Variants in MCTP1 observed in about 807,000 individuals in gnomAD.
MCTP1 encodes the protein multiple C2 and transmembrane domain-containing protein 1.
Under a neutral mutation model 120.6 loss-of-function variants are expected in MCTP1, and 69 were observed. The observed-to-expected ratio is 0.57, with a 90% CI of 0.47 to 0.70. MCTP1 has a LOEUF of 0.70. Ranked by LOEUF, MCTP1 falls within the 30% of genes least tolerant of loss-of-function variation. The pLI is 0.00. For synonymous variants in MCTP1, 529 were observed against 493.1 expected (o/e 1.07, Z -0.96); for missense variants, 1,203 against 1,248.8 (o/e 0.96, Z 0.55).
chr5:94,914,615 C>G (rs906645227), intron 8 of MCTP1, among the ~76,000 whole-genome samples: 9 of 152,204 alleles, frequency 5.9e-5, no homozygotes, highest in Non-Finnish European at 1.2e-4. Flanking sequence ...TCAACGCAGG[C>G]TTTTGTCTAC....
At chr5:95,214,359 G>C (rs1752789302) in intron 1 of MCTP1, among the ~76,000 whole-genome samples, 1 of 151,904 alleles carries the variant, frequency 6.6e-6, no homozygotes, top group Admixed American at 6.6e-5. Context: ...AAGAAGTCAG[G>C]AAACAACAGG....
At chr5:95,137,390 G>T (rs1759526561) in intron 1 of MCTP1, among the ~76,000 whole-genome samples, 1 of 152,224 alleles carries the variant, frequency 6.6e-6, no homozygotes, top group African/African-American at 2.4e-5. Context: ...ATTTATGAGA[G>T]AATGCTTGTA....
chr5:95,200,878 C>T lies in MCTP1; in HGVS notation c.720+82978G>A, dbSNP rs182039139. 1.3e-3 allele frequency among the ~76,000 whole-genome samples: 192 copies of T among 152,246 alleles called. 1 individual carries two copies. Among genetic ancestry groups the T allele is most frequent in the African/African-American group, 4.2e-3 (174 of 41,536 alleles). Reference sequence around the variant, plus strand: ...CAATTTAGCCATTCCACAACTTATACATATTTCAAAACATCATGTTGTACA... The same window carrying T: ...CAATTTAGCCATTCCACAACTTATATATATTTCAAAACATCATGTTGTACA... On this transcript the variant is annotated intron_variant, in intron 1 of 22. Transcript: ENST00000515393.
At chr5:94,755,026 G>C (rs7706425) in intron 19 of MCTP1, among the ~76,000 whole-genome samples, 76,204 of 151,992 alleles carry the variant, frequency 0.5, 19,531 homozygotes, top group East Asian at 0.64. Flanking sequence ...CAGCCCCAGG[G>C]AGGCCTTGAC....
intron 18 of MCTP1, among the ~76,000 whole-genome samples, chr5:94,780,572 C>T (rs567413831): frequency 2.6e-5 from 4 of 152,182 alleles, no homozygotes; most frequent in African/African-American, 9.6e-5. Flanking sequence ...TTTGGACATT[C>T]AGCTTTCAAA....
chr5:94,986,800 C>T lies in MCTP1; in HGVS notation c.838+30567G>A, dbSNP rs532657609. Among the ~76,000 whole-genome samples the T allele has an allele frequency of 1.7e-4, 26 of 152,014 alleles. 1 individual carries two copies. The highest frequency in any genetic ancestry group is 3.2e-4 in the Non-Finnish European group (22 of 67,988). Reference sequence around the variant, plus strand: ...TGCTGGGATTACAGGTGTGAGCCACCGCGTCGGGCCTAGGTCCATTTGTGT... The same window carrying T: ...TGCTGGGATTACAGGTGTGAGCCACTGCGTCGGGCCTAGGTCCATTTGTGT... On this transcript the variant is annotated intron_variant, in intron 2 of 22. Transcript: ENST00000515393.
At chr5:95,220,347 T>C (rs186181457) in intron 1 of MCTP1, among the ~76,000 whole-genome samples, 106 of 152,086 alleles carry the variant, frequency 7.0e-4, no homozygotes, top group African/African-American at 2.4e-3. Context: ...TTTTTTTTTT[T>C]TTACAAAGAA....
chr5:95,223,556 T>C (rs1007340699), intron 1 of MCTP1, among the ~76,000 whole-genome samples: 1 of 152,212 alleles, frequency 6.6e-6, no homozygotes, highest in African/African-American at 2.4e-5. Flanking sequence ...AACAAATGGC[T>C]CATGGTCATT....
intron 1 of MCTP1, among the ~76,000 whole-genome samples, chr5:95,040,537 T>A (rs545643473): frequency 1.1e-4 from 16 of 152,008 alleles, no homozygotes; most frequent in Admixed American, 6.5e-5. Flanking sequence ...TCCGGATAAC[T>A]GCCTGGGAAG....
At chr5:95,252,403 G>A (rs569511700) in intron 1 of MCTP1, among the ~76,000 whole-genome samples, 1 of 152,214 alleles carries the variant, frequency 6.6e-6, no homozygotes, top group African/African-American at 2.4e-5. Flanking sequence ...TGATCCTTGA[G>A]AAAGACATTC....
At chr5:95,080,816 G>C (rs975949378) in intron 1 of MCTP1, among the ~76,000 whole-genome samples, 4 of 152,186 alleles carry the variant, frequency 2.6e-5, no homozygotes, top group African/African-American at 7.2e-5. Context: ...AACAGCAAGT[G>C]AGAAAGTAGG....
At chr5:95,170,086 G>A (rs867679825) in intron 1 of MCTP1, among the ~76,000 whole-genome samples, 2 of 152,164 alleles carry the variant, frequency 1.3e-5, no homozygotes, top group Admixed American at 6.5e-5. Flanking sequence ...CTTTGAATGT[G>A]TCCCAGAGAT....
At chr5:94,716,221 A>AT (rs1759252711) in intron 19 of MCTP1, among the ~76,000 whole-genome samples, 1 of 152,234 alleles carries the variant, frequency 6.6e-6, no homozygotes, top group Non-Finnish European at 1.5e-5. Flanking sequence ...TTTGTCTATT[A>AT]TTCATCTTGC....
chr5:94,777,321 C>T (rs542213180), intron 19 of MCTP1, among the ~76,000 whole-genome samples: 127 of 152,238 alleles, frequency 8.3e-4, no homozygotes, highest in South Asian at 3.5e-3. Flanking sequence ...TTGTTTCCCC[C>T]GGGCATGTTC....
chr5:94,810,137 T>C (rs1448586865), intron 17 of MCTP1, among the ~76,000 whole-genome samples: 4 of 152,114 alleles, frequency 2.6e-5, no homozygotes, highest in Non-Finnish European at 5.9e-5. Flanking sequence ...ACTGTGATCT[T>C]TTATTTAAGT....
chr5:94,738,395 T>C (rs1764757539), intron 19 of MCTP1, among the ~76,000 whole-genome samples: 2 of 152,130 alleles, frequency 1.3e-5, no homozygotes, highest in African/African-American at 4.8e-5. Flanking sequence ...TAGAAGCACC[T>C]TGTCCCAGTG....
intron 19 of MCTP1, among the ~76,000 whole-genome samples, chr5:94,721,839 G>GTT (rs1422197720): frequency 4.4e-5 from 2 of 45,148 alleles, no homozygotes; most frequent in African/African-American, 1.6e-4. Context: ...TAGTGACACT[G>GTT]TTTTGTTTTT....
intron 19 of MCTP1, among the ~76,000 whole-genome samples, chr5:94,740,252 C>A (rs1172574330): frequency 6.6e-6 from 1 of 152,136 alleles, no homozygotes. Context: ...AATAAAAAAG[C>A]AGGAAAACCT....
chr5:94,897,087 T>TA (rs1442653979), intron 10 of MCTP1, among the ~76,000 whole-genome samples: 2 of 152,132 alleles, frequency 1.3e-5, no homozygotes, highest in African/African-American at 2.4e-5. Context: ...GACCAGGTCT[T>TA]ACTCTGTTGC....
Sources: allele counts gnomAD v4.1 joint callset (sites outside exome capture counted in the v4.1 genomes callset), GRCh38; gene constraint gnomAD v4.1.1; transcripts MANE v1.5; gene names NCBI Gene and HGNC (gene_info 2026-07-23, HGNC 2026-07-21).